Variants in PRR11 observed in about 807,000 individuals in gnomAD.
PRR11 encodes proline rich 11.
A neutral mutation model predicts 45.6 loss-of-function variants in PRR11; 30 were observed. That is an observed-to-expected ratio of 0.66 (90% CI 0.49 to 0.89). The LOEUF is 0.89. Ranked by LOEUF, PRR11 falls within the 40% of genes least tolerant of loss-of-function variation. PRR11 has a pLI of 0.00. For missense variants in PRR11, 373 were observed against 424.8 expected, an observed-to-expected ratio of 0.88 and a Z score of 1.07; for synonymous variants, 128 against 153.5, an observed-to-expected ratio of 0.83 and a Z score of 1.23.
chr17:59,162,480 A>G (rs1416479593), intron 1 of PRR11, among the ~76,000 whole-genome samples: 1 of 152,190 alleles, frequency 6.6e-6, no homozygotes, highest in Non-Finnish European at 1.5e-5. Context: ...AAAGTCAAAT[A>G]CAATACAAGC....
chr17:59,187,531 C>T (rs1315340878), intron 4 of PRR11, among the ~76,000 whole-genome samples: 1 of 151,500 alleles, frequency 6.6e-6, no homozygotes, highest in African/African-American at 2.4e-5. Flanking sequence ...GATCGCATCA[C>T]TGCACTCCAG....
intron 2 of PRR11, among the ~76,000 whole-genome samples, chr17:59,175,666 C>CA (rs1306413549): frequency 6.6e-6 from 1 of 152,112 alleles, no homozygotes; most frequent in African/African-American, 2.4e-5. Context: ...TACATGAACC[C>CA]AGGAGGAGGA....
In PRR11 at chr17:59,201,653, T is replaced by G. The variant is rs375032848; in HGVS notation, c.*22T>G. 5 of 1,608,906 alleles carry G rather than the reference T, an allele frequency of 3.1e-6. No individual in the cohort carries two copies. In the African/African-American group the frequency reaches 6.7e-5, roughly 22 times the overall value. On this transcript the variant is annotated 3_prime_UTR_variant, in exon 10 of 10. Coordinates refer to ENST00000262293, the MANE Select transcript of PRR11 (RefSeq NM_018304.4). ...CTGATGCCAACTCTGCCTCACTCCATGAGATGATCCATAACAAATACAGAT... is the reference window on the plus strand; with the variant it reads ...CTGATGCCAACTCTGCCTCACTCCAGGAGATGATCCATAACAAATACAGAT...
At chr17:59,200,946 TA>T (rs201417687) in intron 9 of PRR11, among the ~76,000 whole-genome samples, 33 of 151,316 alleles carry the variant, frequency 2.2e-4, no homozygotes, top group Non-Finnish European at 3.8e-4. Context: ...TTTTTTTTTT[TA>T]AATTTATTTT....
chr17:59,176,568 G>C (rs146065775), intron 2 of PRR11, among the ~76,000 whole-genome samples: 33 of 152,088 alleles, frequency 2.2e-4, no homozygotes, highest in African/African-American at 8.0e-4. Flanking sequence ...CTGCTTGCTG[G>C]GGGAAGCATC....
At chr17:59,158,299 G>A (rs990375383) in intron 1 of PRR11, among the ~76,000 whole-genome samples, 4 of 152,156 alleles carry the variant, frequency 2.6e-5, no homozygotes, top group Non-Finnish European at 5.9e-5. Context: ...GTACTAAAGA[G>A]ACACTACTGC....
intron 1 of PRR11, among the ~76,000 whole-genome samples, chr17:59,168,086 C>T (rs1365962388): frequency 6.6e-6 from 1 of 152,060 alleles, no homozygotes; most frequent in Non-Finnish European, 1.5e-5. Flanking sequence ...CCCCACCTTT[C>T]CCAGTATCCT....
chr17:59,189,292 T>G (rs1318757700), intron 4 of PRR11, among the ~76,000 whole-genome samples: 4 of 151,824 alleles, frequency 2.6e-5, no homozygotes, highest in African/African-American at 9.7e-5. Context: ...AAAGCGAGAC[T>G]GTCTCAAAAA....
In PRR11 at chr17:59,193,818, G is replaced by A. The variant is rs534251728; in HGVS notation, c.645+84G>A. 1.2e-5 allele frequency: 18 copies of A among 1,465,592 alleles called. No individual in the cohort carries two copies. In the African/African-American group the frequency reaches 2.0e-4, roughly 16 times the overall value. The allele number at this position is 1,465,592 out of a possible 1,614,324, so 90.8% of individuals were successfully genotyped here. ...GAGTAAAGCCAAGTGGCCTTTTAAGGCCAGGCTAATCAGGGCTTGGGCCAG... is the reference window on the plus strand; with the variant it reads ...GAGTAAAGCCAAGTGGCCTTTTAAGACCAGGCTAATCAGGGCTTGGGCCAG... On this transcript the variant is annotated intron_variant, in intron 5 of 9. Coordinates refer to ENST00000262293, the MANE Select transcript of PRR11 (RefSeq NM_018304.4).
At chr17:59,188,356 G>A (rs555169822) in intron 4 of PRR11, among the ~76,000 whole-genome samples, 22 of 152,170 alleles carry the variant, frequency 1.4e-4, no homozygotes, top group African/African-American at 5.3e-4. Flanking sequence ...ACCTCTGTGG[G>A]CTATAATTAA....
In PRR11 at chr17:59,185,158, A is replaced by T. The variant is rs1175402015; in HGVS notation, c.233A>T (p.Asn78Ile). ...AGAGATGCAATAAAACTTTGGACAA[A>T]TAGAGTATGGTCTATATACAGCTGG... The part of the protein sequence containing the change: ...NIRDAIKLWT[N>I]RVWSIYSWCQ... The change falls in exon 3 of 10, where the codon AAT becomes ATT. Residue 78 changes from asparagine to isoleucine, a missense_variant. Coordinates refer to ENST00000262293, the MANE Select transcript of PRR11 (RefSeq NM_018304.4). 6.2e-7 allele frequency: 1 copy of T among 1,614,100 alleles called. No homozygotes were observed. Among genetic ancestry groups the T allele is most frequent in the Admixed American group, 1.7e-5 (1 of 60,008 alleles).
chr17:59,182,618 C>T (rs1289047798), intron 2 of PRR11, among the ~76,000 whole-genome samples: 8 of 151,650 alleles, frequency 5.3e-5, no homozygotes, highest in Non-Finnish European at 1.0e-4. Flanking sequence ...GTCTTGAACT[C>T]CTGACCTCAG....
intron 2 of PRR11, among the ~76,000 whole-genome samples, chr17:59,170,460 T>C (rs1053322116): frequency 6.6e-6 from 1 of 152,090 alleles, no homozygotes; most frequent in African/African-American, 2.4e-5. Flanking sequence ...TGGAGTGCAG[T>C]AGCATGATCA....
intron 1 of PRR11, among the ~76,000 whole-genome samples, chr17:59,165,111 C>T (rs1260178578): frequency 6.6e-6 from 1 of 152,008 alleles, no homozygotes; most frequent in Non-Finnish European, 1.5e-5. Context: ...AGCTCCGCCT[C>T]CCAGGTTCAC....
chr17:59,195,092 G>GT (rs1360396020), intron 6 of PRR11, among the ~76,000 whole-genome samples: 1 of 152,056 alleles, frequency 6.6e-6, no homozygotes, highest in Non-Finnish European at 1.5e-5. Context: ...TATTTTAGTA[G>GT]TTTTGGATTT....
rs780959815 is a variant in PRR11 at position 59,197,795 on chromosome 17, C to T, written c.1014+6C>T. ...CCTTAAGGAGAAAGTTTCAGGTAAC[C>T]CTTTAGGAAAAGAATATTGGTTCCT... On this transcript the variant is annotated splice_donor_region_variant and intron_variant, in intron 9 of 9. Transcript: ENST00000262293. 5 of 1,609,168 alleles carry T rather than the reference C, an allele frequency of 3.1e-6. No individual in the cohort carries two copies. The highest frequency in any genetic ancestry group is 1.7e-4 in the Middle Eastern group (1 of 6,058).
At position 59,202,630 on chromosome 17, in the gene PRR11, G is replaced by A. The variant is rs1839452187; in HGVS notation, c.*999G>A. 1 of 152,054 alleles carries A rather than the reference G, an allele frequency of 6.6e-6. No individual in the cohort carries two copies. Among genetic ancestry groups the A allele is most frequent in the Admixed American group, 6.6e-5 (1 of 15,258 alleles). The allele number at this position is 152,054 out of a possible 1,614,324, so 9.4% of individuals were successfully genotyped here. A position where few individuals can be genotyped will look rare whatever the true frequency, so the allele number is the denominator to read the frequency against. On this transcript the variant is annotated 3_prime_UTR_variant, in exon 10 of 10. Transcript: ENST00000262293. Reference sequence around the variant, plus strand: ...CATCTTAGGTAGGTACTTATATCTGGCTTACAGAAGTCTAAGGTATTCCTT... The same window carrying A: ...CATCTTAGGTAGGTACTTATATCTGACTTACAGAAGTCTAAGGTATTCCTT...
At chr17:59,175,280 T>G (rs1293945397) in intron 2 of PRR11, among the ~76,000 whole-genome samples, 8 of 152,182 alleles carry the variant, frequency 5.3e-5, no homozygotes, top group Admixed American at 5.2e-4. Flanking sequence ...GGGCCCTGAT[T>G]GTCAGAGACC....
chr17:59,198,542 C>A (rs190524127), intron 9 of PRR11, among the ~76,000 whole-genome samples: 1 of 152,080 alleles, frequency 6.6e-6, no homozygotes, highest in Non-Finnish European at 1.5e-5. Context: ...GGTGTGGTGG[C>A]GGATGCCTGT....
Sources: allele counts gnomAD v4.1 joint callset (sites outside exome capture counted in the v4.1 genomes callset), GRCh38; gene constraint gnomAD v4.1.1; transcripts MANE v1.5; gene names NCBI Gene and HGNC (gene_info 2026-07-23, HGNC 2026-07-21).